Variants in PPARGC1A observed in about 807,000 individuals in gnomAD.
PPARGC1A encodes peroxisome proliferator-activated receptor gamma coactivator 1-alpha.
Under a neutral mutation model 88.7 loss-of-function variants are expected in PPARGC1A, and 25 were observed. That is an observed-to-expected ratio of 0.28 (90% confidence interval 0.21 to 0.39). The LOEUF (loss-of-function observed/expected upper bound fraction) is 0.39. Ranked by LOEUF, PPARGC1A falls within the 10% of genes least tolerant of loss-of-function variation. The pLI, the probability that PPARGC1A is intolerant of heterozygous loss-of-function variation, is 1.00. For missense variants in PPARGC1A, 880 were observed against 968.7 expected (o/e 0.91, Z 1.22); for synonymous variants, 363 against 355.6 (o/e 1.02, Z -0.24).
At chr4:23,974,354 T>C in the PPARGC1A span, among the ~76,000 whole-genome samples, 1 of 152,204 alleles carries the variant, frequency 6.6e-6, no homozygotes, top group Admixed American at 6.5e-5. Flanking sequence ...GCTTGCTATA[T>C]ACCAGGAAAT....
intron 2 of PPARGC1A, among the ~76,000 whole-genome samples, chr4:23,842,518 C>T (rs1727232160): frequency 6.6e-6 from 1 of 152,100 alleles, no homozygotes; most frequent in Non-Finnish European, 1.5e-5. Context: ...ACCACTGAAT[C>T]AAAATCTCTA....
chr4:24,015,264 T>TGAGATAGAGATA, the PPARGC1A span, among the ~76,000 whole-genome samples: 1 of 152,056 alleles, frequency 6.6e-6, no homozygotes, highest in Non-Finnish European at 1.5e-5. Flanking sequence ...TAGGTATAGA[T>TGAGATAGAGATA]GAGATAGAGA....
the PPARGC1A span, among the ~76,000 whole-genome samples, chr4:24,296,048 GTATGTGTATA>G: frequency 1.3e-5 from 2 of 150,384 alleles, no homozygotes; most frequent in African/African-American, 4.9e-5. Flanking sequence ...GTGTATGTGT[GTATGTGTATA>G]TATGTGTATA....
chr4:24,336,371 A>G, the PPARGC1A span, among the ~76,000 whole-genome samples: 7 of 152,222 alleles, frequency 4.6e-5, no homozygotes, highest in Non-Finnish European at 1.0e-4. Flanking sequence ...TGCACCCAGC[A>G]TCTAATTTTA....
the PPARGC1A span, among the ~76,000 whole-genome samples, chr4:24,174,048 A>T: frequency 6.6e-6 from 1 of 152,232 alleles, no homozygotes; most frequent in Non-Finnish European, 1.5e-5. Context: ...CAGTCTGTCA[A>T]AGAAAGGCAG....
chr4:24,357,422 A>T, the PPARGC1A span, among the ~76,000 whole-genome samples: 1 of 152,204 alleles, frequency 6.6e-6, no homozygotes, highest in Non-Finnish European at 1.5e-5. Flanking sequence ...ATAATATTTA[A>T]TCAAAGCATT....
the PPARGC1A span, among the ~76,000 whole-genome samples, chr4:24,124,508 G>A: frequency 6.6e-6 from 1 of 152,294 alleles, no homozygotes; most frequent in African/African-American, 2.4e-5. Flanking sequence ...TCTATGGCAT[G>A]ACCTGCAATC....
intron 2 of PPARGC1A, among the ~76,000 whole-genome samples, chr4:23,861,531 G>C (rs1309106436): frequency 6.6e-6 from 1 of 152,112 alleles, no homozygotes; most frequent in Non-Finnish European, 1.5e-5. Flanking sequence ...GGAACCAAAA[G>C]AAATAAAAGC....
intron 2 of PPARGC1A, among the ~76,000 whole-genome samples, chr4:23,836,676 C>T (rs543346391): frequency 6.6e-6 from 1 of 152,306 alleles, no homozygotes; most frequent in East Asian, 1.9e-4. Context: ...ATTTAAAAGG[C>T]ATAGTTGAAA....
chr4:24,461,707 A>G, the PPARGC1A span, among the ~76,000 whole-genome samples: 1 of 151,970 alleles, frequency 6.6e-6, no homozygotes, highest in Non-Finnish European at 1.5e-5. Flanking sequence ...AATAAATTTC[A>G]TTGAATGAAA....
At chr4:23,932,294 C>CTTAGTTCCTCGT in the PPARGC1A span, among the ~76,000 whole-genome samples, 3 of 152,116 alleles carry the variant, frequency 2.0e-5, no homozygotes, top group South Asian at 6.2e-4. Context: ...TAGTTCCTCG[C>CTTAGTTCCTCGT]TTAGTTCCTC....
the PPARGC1A span, among the ~76,000 whole-genome samples, chr4:24,358,711 G>A: frequency 6.6e-6 from 1 of 152,210 alleles, no homozygotes; most frequent in African/African-American, 2.4e-5. Context: ...CCCATGCCTT[G>A]TGAAAAACCT....
the PPARGC1A span, among the ~76,000 whole-genome samples, chr4:24,322,716 T>C: frequency 6.6e-6 from 1 of 152,220 alleles, no homozygotes; most frequent in East Asian, 1.9e-4. Context: ...GGAGTGTTTC[T>C]ACCTCAGAAA....
the PPARGC1A span, among the ~76,000 whole-genome samples, chr4:24,103,598 A>AG: frequency 6.6e-6 from 1 of 150,936 alleles, no homozygotes; most frequent in Admixed American, 6.6e-5. Context: ...CTTCTTCCAA[A>AG]AAAAAAAAAA....
At chr4:23,858,871 TG>T (rs1256971284) in intron 2 of PPARGC1A, among the ~76,000 whole-genome samples, 1 of 151,128 alleles carries the variant, frequency 6.6e-6, no homozygotes, top group African/African-American at 2.4e-5. Flanking sequence ...CTGGCTGAGT[TG>T]AAATATAAAT....
chr4:24,182,073 C>G, the PPARGC1A span, among the ~76,000 whole-genome samples: 1 of 152,158 alleles, frequency 6.6e-6, no homozygotes, highest in East Asian at 1.9e-4. Context: ...TGGTGGTTTG[C>G]TGCACCTATC....
chr4:24,152,656 A>G, the PPARGC1A span, among the ~76,000 whole-genome samples: 1 of 152,210 alleles, frequency 6.6e-6, no homozygotes, highest in African/African-American at 2.4e-5. Flanking sequence ...ACTTCCAATC[A>G]CTACGAACAG....
At chr4:23,843,868 T>C (rs1306549870) in intron 2 of PPARGC1A, among the ~76,000 whole-genome samples, 1 of 152,044 alleles carries the variant, frequency 6.6e-6, no homozygotes, top group Non-Finnish European at 1.5e-5. Context: ...AAAATATCTA[T>C]ACCTGACACA....
At chr4:24,408,356 GA>G in the PPARGC1A span, among the ~76,000 whole-genome samples, 1,232 of 132,164 alleles carry the variant, frequency 9.3e-3, 15 homozygotes, top group Middle Eastern at 0.034. Flanking sequence ...ATACTGCTTT[GA>G]AAAAAAAAAA....
Sources: gnomAD v4.1 joint callset for allele counts (sites outside exome capture counted in the v4.1 genomes callset) on GRCh38, gnomAD v4.1.1 for gene constraint, MANE v1.5 for transcripts, NCBI Gene and HGNC (gene_info 2026-07-23, HGNC 2026-07-21) for gene names.